HOOK3: variants seen among roughly 807,000 people sequenced by gnomAD.
HOOK3 encodes the protein protein Hook homolog 3.
A neutral mutation model predicts 116.3 loss-of-function variants in HOOK3; 24 were observed. The ratio of observed to expected loss-of-function variants is 0.21; its 90% CI spans 0.15 to 0.29. The LOEUF is 0.29. Among genes scored for constraint, HOOK3 ranks in the 10% least tolerant of loss-of-function variants. The probability of loss-of-function intolerance (pLI) is 1.00; values close to 1 mark genes in which losing one functional copy is unlikely to be tolerated. For synonymous variants in HOOK3, 275 were observed against 283.0 expected (o/e 0.97, Z 0.28); for missense variants, 632 against 830.2 (o/e 0.76, Z 2.93).
rs547207198 is a variant in HOOK3, at chr8:42,927,229, C to G, written c.216+1600C>G. Among the ~76,000 whole-genome samples, 3 of 150,316 alleles carry G rather than the reference C, an allele frequency of 2.0e-5. No homozygotes were observed. In the East Asian group the frequency reaches 5.8e-4, roughly 29 times the overall value. On this transcript the variant is annotated intron_variant, in intron 3 of 21. Coordinates refer to ENST00000307602, the MANE Select transcript of HOOK3 (RefSeq NM_032410.4). The stretch of plus-strand genomic sequence containing the variant: ...TTTTTACTAAGCTAGTGAATGAAAA[C>G]CGTTTAATGGCACTGGTTTTTTTTT...
intron 13 of HOOK3, among the ~76,000 whole-genome samples, chr8:42,977,562 T>G (rs757280338): frequency 2.6e-5 from 4 of 152,194 alleles, no homozygotes; most frequent in Non-Finnish European, 5.9e-5. Context: ...TATGCTTTAT[T>G]TGATTAAAAC....
intron 1 of HOOK3, among the ~76,000 whole-genome samples, chr8:42,898,455 T>G (rs995937644): frequency 6.6e-6 from 1 of 152,070 alleles, no homozygotes; most frequent in Non-Finnish European, 1.5e-5. Flanking sequence ...GACTGGTAAG[T>G]TGTATAATGT....
Position 42,986,804 on chromosome 8 carries a change from T to C in HOOK3, c.1532+9T>C. ...CTGGAGACAGAGAATAGGTAGAGTA[T>C]TATAGGTGGCCGCATCTGGCTATAA... On this transcript the variant is annotated intron_variant, in intron 15 of 21. Transcript: ENST00000307602. 1 of 1,610,746 alleles carries C rather than the reference T, an allele frequency of 6.2e-7. No homozygotes were observed. The highest frequency in any genetic ancestry group is 8.5e-7 in the Non-Finnish European group (1 of 1,178,872).
intron 13 of HOOK3, among the ~76,000 whole-genome samples, chr8:42,976,040 A>ATG (rs10675533): frequency 0.11 from 16,513 of 148,766 alleles, 1,589 homozygotes; most frequent in African/African-American, 0.23. Flanking sequence ...GTATATATAT[A>ATG]TGTGTGTGTG....
At chr8:42,954,023 G>C (rs1488443760) in intron 6 of HOOK3, among the ~76,000 whole-genome samples, 1 of 152,096 alleles carries the variant, frequency 6.6e-6, no homozygotes, top group African/African-American at 2.4e-5. Flanking sequence ...TAGGGCAATG[G>C]ATAAATAAAT....
intron 15 of HOOK3, among the ~76,000 whole-genome samples, chr8:42,990,358 T>C (rs1333640373): frequency 8.8e-6 from 1 of 113,432 alleles, no homozygotes; most frequent in Non-Finnish European, 1.8e-5. Flanking sequence ...TTTTTTTTTT[T>C]TTTTGAGGAT....
At chr8:42,971,514 C>T (rs2130430429) in intron 11 of HOOK3, among the ~76,000 whole-genome samples, 1 of 152,278 alleles carries the variant, frequency 6.6e-6, no homozygotes, top group African/African-American at 2.4e-5. Context: ...GGTGATCCAC[C>T]TGCCTTGGCC....
chr8:42,905,329 G>C (rs527601182), intron 1 of HOOK3, among the ~76,000 whole-genome samples: 11 of 145,002 alleles, frequency 7.6e-5, no homozygotes, highest in Non-Finnish European at 1.2e-4. Flanking sequence ...TTTTTTTGGG[G>C]GGGGGGGTGC....
chr8:42,947,902 A>G (rs1808265872), intron 5 of HOOK3, among the ~76,000 whole-genome samples: 1 of 152,102 alleles, frequency 6.6e-6, no homozygotes, highest in Admixed American at 6.6e-5. Context: ...GTACAGATTA[A>G]AAGAGGCTTA....
intron 15 of HOOK3, among the ~76,000 whole-genome samples, chr8:42,995,205 A>G (rs933200752): frequency 6.6e-6 from 1 of 152,150 alleles, no homozygotes; most frequent in Non-Finnish European, 1.5e-5. Context: ...AAGTAAAAGC[A>G]TTTCTTATTA....
At chr8:42,928,006 G>A (rs552087796) in intron 3 of HOOK3, among the ~76,000 whole-genome samples, 69 of 152,258 alleles carry the variant, frequency 4.5e-4, no homozygotes, top group Non-Finnish European at 6.8e-4. Flanking sequence ...AATTAGGCCC[G>A]GCATGATGGG....
rs1271996026 is a variant in HOOK3, at chr8:42,973,417, G to A, written c.1233+18G>A. 3.2e-6 allele frequency: 5 copies of A among 1,562,306 alleles called. No individual in the cohort carries two copies. In the Admixed American group the frequency reaches 9.4e-5, roughly 30 times the overall value. On this transcript the variant is annotated intron_variant, in intron 12 of 21. Transcript: ENST00000307602. ...AAAAGGACGTGAGTATATATATTAG[G>A]CATTTTGGTTTTGAGCACTGCTAAA...
Position 43,018,471 on chromosome 8 carries a change from C to A in HOOK3, c.2130C>A (p.Gly710=). 1 of 1,612,744 alleles carries A rather than the reference C, an allele frequency of 6.2e-7. No individual in the cohort carries two copies. The highest frequency in any genetic ancestry group is 8.5e-7 in the Non-Finnish European group (1 of 1,179,628). ...QATSSRRSYP[G]HVQPATAR The stretch of plus-strand genomic sequence containing the variant: ...CCAGCAGCAGAAGATCATACCCAGG[C>A]CACGTGCAGCCGGCCACAGCAAGGT... Residue 710 remains glycine, a synonymous_variant, in exon 22 of 22, where the codon GGC becomes GGA. Transcript: ENST00000307602.
At chr8:42,968,631 T>C (rs11992987) in intron 11 of HOOK3, among the ~76,000 whole-genome samples, 4,696 of 152,266 alleles carry the variant, frequency 0.031, 263 homozygotes, top group African/African-American at 0.11. Context: ...TGAGCCACCA[T>C]GCCTGGCCTA....
chr8:42,925,457 T>C (rs959535854), intron 2 of HOOK3, 100 bp from the exon 3 acceptor site: 1 of 750,902 alleles, frequency 1.3e-6, no homozygotes, highest in Admixed American at 2.8e-5. Flanking sequence ...AATACATTTT[T>C]ATGTTGCAGT....
At chr8:43,000,543 T>C (rs1016785715) in intron 16 of HOOK3, among the ~76,000 whole-genome samples, 2 of 152,188 alleles carry the variant, frequency 1.3e-5, no homozygotes, top group Non-Finnish European at 2.9e-5. Flanking sequence ...AATTCACTTA[T>C]ATAAATTATC....
At chr8:42,965,860 CTCCTGGAGG>C (rs1808623917) in intron 9 of HOOK3, among the ~76,000 whole-genome samples, 1 of 152,098 alleles carries the variant, frequency 6.6e-6, no homozygotes, top group Admixed American at 6.6e-5. Context: ...ATGGTCGAGG[CTCCTGGAGG>C]TCCTCTGATA....
chr8:42,993,058 T>C (rs747060281), intron 15 of HOOK3, among the ~76,000 whole-genome samples: 1 of 152,226 alleles, frequency 6.6e-6, no homozygotes, highest in Non-Finnish European at 1.5e-5. Context: ...TCAACATCAA[T>C]TGAAATGATC....
intron 15 of HOOK3, among the ~76,000 whole-genome samples, chr8:42,997,267 TTGAAG>T (rs1809296968): frequency 6.6e-6 from 1 of 152,188 alleles, no homozygotes; most frequent in South Asian, 2.1e-4. Flanking sequence ...TAAACATGTA[TTGAAG>T]TGAATTTCAG....
Sources: allele counts gnomAD v4.1 joint callset (sites outside exome capture counted in the v4.1 genomes callset), GRCh38; gene constraint gnomAD v4.1.1; transcripts MANE v1.5; gene names NCBI Gene and HGNC (gene_info 2026-07-23, HGNC 2026-07-21).